Variants in BNC1 observed in about 807,000 individuals in gnomAD.
BNC1 encodes the protein zinc finger protein basonuclin-1.
Under a neutral mutation model 66.5 loss-of-function variants are expected in BNC1, and 8 were observed. The ratio of observed to expected loss-of-function variants is 0.12; its 90% CI spans 0.07 to 0.22. BNC1 has a LOEUF of 0.22. BNC1 is among the 10% of genes least tolerant of loss of function. The pLI is 1.00. For synonymous variants in BNC1, 454 were observed against 452.6 expected, an observed-to-expected ratio of 1.00 and a Z score of -0.04; for missense variants, 1,069 against 1,241.3, an observed-to-expected ratio of 0.86 and a Z score of 2.09.
intron 1 of BNC1, among the ~76,000 whole-genome samples, chr15:83,275,280 G>C (rs1290307430): frequency 6.6e-6 from 1 of 152,196 alleles, no homozygotes; most frequent in African/African-American, 2.4e-5. Context: ...CAGGGAACCT[G>C]AAGTCAGGGG....
intron 1 of BNC1, among the ~76,000 whole-genome samples, chr15:83,269,131 G>A (rs995964696): frequency 9.9e-5 from 15 of 152,150 alleles, no homozygotes; most frequent in Middle Eastern, 3.2e-3. Context: ...GGCTAAGGCC[G>A]AAGAATCGCT....
chr15:83,283,218 A>G (rs932793258), intron 1 of BNC1: 7 of 1,535,570 alleles, frequency 4.6e-6, no homozygotes, highest in Non-Finnish European at 6.1e-6. Context: ...CGCATTTGTG[A>G]AAGTTTGGCT....
In BNC1 at chr15:83,263,652, G is replaced by T; in HGVS notation, c.1599C>A (p.Pro533=). ...ISNEMPFDAL[P]KKKSRKSSMP... ...TACTGGACTTCCTGGATTTCTTCTT[G>T]GGAAGGGCATCAAATGGCATTTCGT... Residue 533 remains proline (P), a synonymous_variant, in exon 4 of 5, where the codon CCC becomes CCA. Coordinates refer to ENST00000345382, the MANE Select transcript of BNC1 (RefSeq NM_001717.4). 6.2e-7 allele frequency: 1 copy of T among 1,614,136 alleles called. No individual in the cohort carries two copies. Among genetic ancestry groups the T allele is most frequent in the South Asian group, 1.1e-5 (1 of 91,076 alleles).
At position 83,284,604 on chromosome 15, in the gene BNC1, C is replaced by A; in HGVS notation, c.25G>T (p.Gly9Cys). The A allele has an allele frequency of 9.9e-7, 1 of 1,011,374 alleles. No homozygotes were observed. The highest frequency in any genetic ancestry group is 1.2e-6 in the Non-Finnish European group (1 of 848,940). 62.7% of individuals were successfully genotyped at this position (1,011,374 alleles called of 1,614,324 possible). A position where few individuals can be genotyped will look rare whatever the true frequency, so the allele number is the denominator to read the frequency against. Residue 9 changes from glycine to cysteine, a missense_variant, in exon 1 of 5, where the codon GGC (glycine) becomes TGC (cysteine). Gly to Cys is a radical substitution (Grantham distance 159). Around this residue, in one of 7 missense-constraint regions of BNC1, gnomAD observed 78 missense variants for 80.9 expected, o/e 0.96. Coordinates refer to ENST00000345382, the MANE Select transcript of BNC1 (RefSeq NM_001717.4). MRRRPPSRGGRGAARARET... is the reference protein window; with the variant it reads MRRRPPSRCGRGAARARET... ...CGGGCCCGGGCCGCCCCGCGTCCGCCCCGGCTCGGCGGGCGCCGCCGCATC... is the reference window on the plus strand; with the variant it reads ...CGGGCCCGGGCCGCCCCGCGTCCGCACCGGCTCGGCGGGCGCCGCCGCATC...
At chr15:83,266,404 A>G (rs528766892) in intron 3 of BNC1, among the ~76,000 whole-genome samples, 8 of 152,326 alleles carry the variant, frequency 5.3e-5, no homozygotes, top group Non-Finnish European at 1.0e-4. Flanking sequence ...AGAAGGCTTT[A>G]AAGAACAGGA....
At position 83,263,474 on chromosome 15, in the gene BNC1, C is replaced by T. The variant is rs760931739; in HGVS notation, c.1777G>A (p.Val593Ile). ...GGCTTCCCTAAGCCTCCTGACTGTA[C>T]ATGCTGCTCCTCAGATACTCTGTGT... ...QSHRVSEEQH[V>I]QSGGLGKPFP... Residue 593 changes from valine (V) to isoleucine (I), a missense_variant, in exon 4 of 5, where the codon GTA becomes ATA. Physicochemically the swap from Val to Ile is conservative, Grantham distance 29. This residue lies in a region of BNC1 where 657 missense variants were observed against 715.8 expected (regional missense o/e 0.92). Coordinates refer to ENST00000345382, the MANE Select transcript of BNC1 (RefSeq NM_001717.4). 6.2e-7 allele frequency: 1 copy of T among 1,614,260 alleles called. No individual in the cohort carries two copies. Among genetic ancestry groups the T allele is most frequent in the Non-Finnish European group, 8.5e-7 (1 of 1,180,046 alleles).
At position 83,263,444 on chromosome 15, in the gene BNC1, G is replaced by A; in HGVS notation, c.1807C>T (p.Pro603Ser). Residue 603 changes from proline (P) to serine (S), a missense_variant, in exon 4 of 5, where the codon CCT becomes TCT. This residue lies in a region of BNC1 where 657 missense variants were observed against 715.8 expected (regional missense o/e 0.92). Transcript: ENST00000345382. ...CGATGGCAGGGCCTCTCCCCTTCAGGGAAAGGCTTCCCTAAGCCTCCTGAC... is the reference window on the plus strand; with the variant it reads ...CGATGGCAGGGCCTCTCCCCTTCAGAGAAAGGCTTCCCTAAGCCTCCTGAC... ...VQSGGLGKPFPEGERPCHRES... is the reference protein window; with the variant it reads ...VQSGGLGKPFSEGERPCHRES... 1 of 1,614,184 alleles carries A rather than the reference G, an allele frequency of 6.2e-7. No homozygotes were observed. The highest frequency in any genetic ancestry group is 1.1e-5 in the South Asian group (1 of 91,078).
chr15:83,277,458 T>A (rs1036593660), intron 1 of BNC1, among the ~76,000 whole-genome samples: 3 of 152,012 alleles, frequency 2.0e-5, no homozygotes, highest in African/African-American at 7.2e-5. Context: ...TACAGATGTA[T>A]GCCACCACAC....
intron 1 of BNC1, among the ~76,000 whole-genome samples, chr15:83,282,693 C>T (rs1277469224): frequency 6.6e-6 from 1 of 152,116 alleles, no homozygotes; most frequent in African/African-American, 2.4e-5. Context: ...CCCATAAAAT[C>T]GAATAGCAAA....
chr15:83,257,365 CAG>C lies in BNC1; in HGVS notation c.*75_*76del, dbSNP rs1429671433. 48 of 1,453,738 alleles carry C rather than the reference CAG, an allele frequency of 3.3e-5. No individual in the cohort carries two copies. Among genetic ancestry groups the C allele is most frequent in the Non-Finnish European group, 4.3e-5 (46 of 1,072,664 alleles). The allele number at this position is 1,453,738 out of a possible 1,614,324, so 90.1% of individuals were successfully genotyped here. On this transcript the variant is annotated 3_prime_UTR_variant, in exon 5 of 5. Transcript: ENST00000345382. Reference sequence around the variant, plus strand: ...CTGACTCGCCCCAAATGATATGAAACAGAAACATTTCTATGGACTACTTTATT... The same window carrying C: ...CTGACTCGCCCCAAATGATATGAAACAAACATTTCTATGGACTACTTTATT...
intron 3 of BNC1, among the ~76,000 whole-genome samples, chr15:83,265,094 AT>A (rs1163557937): frequency 2.0e-5 from 3 of 152,300 alleles, no homozygotes; most frequent in African/African-American, 7.2e-5. Flanking sequence ...TGTAGTGATT[AT>A]TTTTCACCTC....
intron 1 of BNC1, among the ~76,000 whole-genome samples, chr15:83,284,154 A>C (rs546707285): frequency 6.6e-6 from 1 of 151,660 alleles, no homozygotes; most frequent in South Asian, 2.1e-4. Context: ...GCAAGTCCTA[A>C]CGTCCTGGGC....
rs868667949 is a variant in BNC1 at position 83,277,663 on chromosome 15, G to A, written c.99+6867C>T. ...TTGAATATAGATAATTGTTGCTAAC[G>A]TGCATATCAAAAACTGCCAATCAGG... On this transcript the variant is annotated intron_variant, in intron 1 of 4. Coordinates refer to ENST00000345382, the MANE Select transcript of BNC1 (RefSeq NM_001717.4). Among the ~76,000 whole-genome samples, 12 of 152,152 alleles carry A rather than the reference G, an allele frequency of 7.9e-5. No individual in the cohort carries two copies. The South Asian group carries it at 1.0e-3, about 13-fold the overall frequency.
intron 1 of BNC1, among the ~76,000 whole-genome samples, chr15:83,278,240 T>C (rs917311863): frequency 6.6e-5 from 10 of 152,340 alleles, no homozygotes; most frequent in Admixed American, 3.3e-4. Flanking sequence ...AAGAAAATGA[T>C]AATCATTTAT....
At chr15:83,283,504 C>T in intron 1 of BNC1, 1 of 985,376 alleles carries the variant, frequency 1.0e-6, no homozygotes, top group Non-Finnish European at 1.2e-6. Context: ...GGTCCCAAGG[C>T]CAGGCTGGGC....
At chr15:83,272,547 T>G (rs1567194819) in intron 1 of BNC1, among the ~76,000 whole-genome samples, 1 of 152,252 alleles carries the variant, frequency 6.6e-6, no homozygotes, top group East Asian at 1.9e-4. Flanking sequence ...CCATTCACTC[T>G]TTAAAAACAA....
rs576534176 is a variant in BNC1 at position 83,274,267 on chromosome 15, C to T, written c.100-6035G>A. Among the ~76,000 whole-genome samples the T allele has an allele frequency of 1.4e-4, 21 of 152,276 alleles. No individual in the cohort carries two copies. In the East Asian group the frequency reaches 3.9e-3, roughly 28 times the overall value. On this transcript the variant is annotated intron_variant, in intron 1 of 4. Transcript: ENST00000345382. Reference sequence around the variant, plus strand: ...GGGCGTGGTGGCAGGCGCCTGTAGTCCCAGCTACAGGGGAGGCTGAGCCAG... The same window carrying T: ...GGGCGTGGTGGCAGGCGCCTGTAGTTCCAGCTACAGGGGAGGCTGAGCCAG...
intron 1 of BNC1, chr15:83,283,072 G>GCCCCCCCC: frequency 7.7e-7 from 1 of 1,298,976 alleles, no homozygotes; most frequent in Non-Finnish European, 1.0e-6. Context: ...GATGCCCCCC[G>GCCCCCCCC]CCCCCCAACC....
At chr15:83,258,730 G>T (rs138224226) in intron 4 of BNC1, among the ~76,000 whole-genome samples, 4 of 152,186 alleles carry the variant, frequency 2.6e-5, no homozygotes, top group African/African-American at 7.2e-5. Context: ...TACCTTCTGG[G>T]GCTGCACTGT....
Sources: allele counts gnomAD v4.1 joint callset (sites outside exome capture counted in the v4.1 genomes callset), GRCh38; gene constraint gnomAD v4.1.1; regional missense constraint gnomAD v4.1.1; transcripts MANE v1.5; gene names NCBI Gene and HGNC (gene_info 2026-07-23, HGNC 2026-07-21).